The following KLHL29 variants were observed in gnomAD, a reference collection of about 807,000 sequenced individuals.
The protein encoded by KLHL29 is kelch like family member 29, also known as kelch-like protein 29.
Under a neutral mutation model 80.4 loss-of-function variants are expected in KLHL29, and 21 were observed. The observed-to-expected ratio is 0.26, with a 90% CI of 0.19 to 0.38. The LOEUF is 0.38. Ranked by LOEUF, KLHL29 falls within the 10% of genes least tolerant of loss-of-function variation. KLHL29 has a pLI of 1.00. For missense variants in KLHL29, 867 were observed against 1,223.9 expected (o/e 0.71, Z 4.35); for synonymous variants, 511 against 526.8 (o/e 0.97, Z 0.41).
intron 5 of KLHL29, among the ~76,000 whole-genome samples, chr2:23,650,880 G>C (rs1243626031): frequency 6.6e-6 from 1 of 152,180 alleles, no homozygotes; most frequent in Non-Finnish European, 1.5e-5. Context: ...GGTGAGCCAG[G>C]CCATGGCGTG....
intron 1 of KLHL29, among the ~76,000 whole-genome samples, chr2:23,452,705 A>C (rs186919011): frequency 1.5e-4 from 23 of 152,330 alleles, no homozygotes; most frequent in Admixed American, 1.4e-3. Context: ...ACTGATATAC[A>C]GCAGTGCATT....
intron 5 of KLHL29, among the ~76,000 whole-genome samples, chr2:23,656,310 G>A (rs1670243937): frequency 6.6e-6 from 1 of 152,228 alleles, no homozygotes; most frequent in Non-Finnish European, 1.5e-5. Flanking sequence ...GTGCGCCAAT[G>A]ATGCTGCCCA....
At chr2:23,456,307 C>A (rs1664048397) in intron 1 of KLHL29, among the ~76,000 whole-genome samples, 1 of 152,200 alleles carries the variant, frequency 6.6e-6, no homozygotes, top group Non-Finnish European at 1.5e-5. Flanking sequence ...TGCAATGGGG[C>A]AGTGACAGCA....
intron 13 of KLHL29, 118 bp downstream of exon 13, chr2:23,703,981 G>A (rs1672556729): frequency 8.5e-7 from 1 of 1,173,796 alleles, no homozygotes; most frequent in Non-Finnish European, 1.2e-6. Flanking sequence ...CAGAGCAGTG[G>A]CCCTCCCCCT....
At position 23,473,939 on chromosome 2, in the gene KLHL29, C is replaced by T. The variant is rs568107052; in HGVS notation, c.-153-1621C>T. Reference sequence around the variant, plus strand: ...GAACACTTAGGGCCAGATGCCCACACGACCTACTCCTCATCTTGAAGTGTG... The same window carrying T: ...GAACACTTAGGGCCAGATGCCCACATGACCTACTCCTCATCTTGAAGTGTG... On this transcript the variant is annotated intron_variant, in intron 1 of 13. Transcript: ENST00000486442. 1.1e-4 allele frequency among the ~76,000 whole-genome samples: 17 copies of T among 152,300 alleles called. No homozygotes were observed. The East Asian group carries it at 2.9e-3, about 26-fold the overall frequency.
intron 1 of KLHL29, among the ~76,000 whole-genome samples, chr2:23,450,008 C>T (rs544830795): frequency 2.6e-5 from 4 of 152,300 alleles, no homozygotes; most frequent in South Asian, 4.1e-4. Flanking sequence ...CTTGTGGGGC[C>T]TGTGCTTAAC....
At chr2:23,524,400 G>T in intron 2 of KLHL29, 2 of 165,502 alleles carry the variant, frequency 1.2e-5, no homozygotes, top group South Asian at 1.6e-4. Flanking sequence ...GCTCCCGGGA[G>T]GCGTCGGCAG....
At chr2:23,408,762 T>A (rs1157990174) in intron 1 of KLHL29, among the ~76,000 whole-genome samples, 1 of 152,240 alleles carries the variant, frequency 6.6e-6, no homozygotes, top group Non-Finnish European at 1.5e-5. Context: ...TTATCATTTT[T>A]AAGAAGCTTT....
intron 1 of KLHL29, among the ~76,000 whole-genome samples, chr2:23,411,727 T>A (rs907357582): frequency 2.0e-5 from 3 of 152,154 alleles, no homozygotes; most frequent in African/African-American, 7.2e-5. Context: ...ACTTCCCAGA[T>A]GTGGGCATGG....
chr2:23,525,065 C>G (rs1666258700), intron 2 of KLHL29, among the ~76,000 whole-genome samples: 2 of 152,226 alleles, frequency 1.3e-5, no homozygotes, highest in South Asian at 4.1e-4. Context: ...AAGATCTCCT[C>G]AAATCAGCTG....
chr2:23,447,153 C>T (rs2103419083), intron 1 of KLHL29, among the ~76,000 whole-genome samples: 1 of 152,352 alleles, frequency 6.6e-6, no homozygotes, highest in East Asian at 1.9e-4. Flanking sequence ...TGCACCTTGA[C>T]TCATGGTGGC....
intron 1 of KLHL29, among the ~76,000 whole-genome samples, chr2:23,412,134 G>C (rs59743602): frequency 0.042 from 5,904 of 140,554 alleles, 829 homozygotes; most frequent in African/African-American, 0.15. Flanking sequence ...GGGGGGGGGG[G>C]GCGGTGCGGT....
intron 2 of KLHL29, among the ~76,000 whole-genome samples, chr2:23,540,478 CT>C (rs1572388617): frequency 6.6e-6 from 1 of 152,174 alleles, no homozygotes; most frequent in East Asian, 1.9e-4. Flanking sequence ...GAGCATCTTT[CT>C]TTCCTCTCCT....
At chr2:23,575,703 C>G (rs899535908) in intron 3 of KLHL29, among the ~76,000 whole-genome samples, 1 of 152,208 alleles carries the variant, frequency 6.6e-6, no homozygotes, top group African/African-American at 2.4e-5. Flanking sequence ...AGGCCTGCCT[C>G]AGGGCAGAAA....
At chr2:23,533,532 T>C (rs1666566000) in intron 2 of KLHL29, among the ~76,000 whole-genome samples, 1 of 152,138 alleles carries the variant, frequency 6.6e-6, no homozygotes, top group Non-Finnish European at 1.5e-5. Context: ...GATGCAGCTC[T>C]GTGCAGCCTC....
At chr2:23,399,050 C>T (rs552044901) in intron 1 of KLHL29, among the ~76,000 whole-genome samples, 7 of 152,284 alleles carry the variant, frequency 4.6e-5, no homozygotes, top group Admixed American at 6.5e-5. Flanking sequence ...GGCCATGGAG[C>T]GCTTTGGGTC....
chr2:23,386,419 AC>A (rs1666184248), intron 1 of KLHL29, among the ~76,000 whole-genome samples: 1 of 151,888 alleles, frequency 6.6e-6, no homozygotes, highest in South Asian at 2.1e-4. Context: ...ATTGTGACCC[AC>A]CCCACCCCGA....
intron 3 of KLHL29, among the ~76,000 whole-genome samples, chr2:23,611,481 A>G (rs1340856560): frequency 6.6e-6 from 1 of 152,240 alleles, no homozygotes; most frequent in African/African-American, 2.4e-5. Flanking sequence ...TCCAAAATGA[A>G]TTAAGGTGAT....
At chr2:23,636,755 A>G (rs554251688) in intron 3 of KLHL29, among the ~76,000 whole-genome samples, 24 of 152,312 alleles carry the variant, frequency 1.6e-4, no homozygotes, top group African/African-American at 5.5e-4. Context: ...GGGCTGAGCA[A>G]TCTGTGTTGG....
Sources: gnomAD v4.1 joint callset for allele counts (sites outside exome capture counted in the v4.1 genomes callset) on GRCh38, gnomAD v4.1.1 for gene constraint, MANE v1.5 for transcripts, NCBI Gene and HGNC (gene_info 2026-07-23, HGNC 2026-07-21) for gene names.